Variants in EHBP1 observed in about 807,000 individuals in gnomAD.
The protein encoded by EHBP1 is EH domain-binding protein 1.
EHBP1 carries 55 observed loss-of-function variants against 144.0 expected under a neutral mutation model. The observed-to-expected ratio is 0.38, with a 90% CI of 0.31 to 0.48. The LOEUF is 0.48. Among genes scored for constraint, EHBP1 ranks in the 20% least tolerant of loss-of-function variants. The probability of loss-of-function intolerance (pLI) is 0.98; values close to 1 mark genes in which losing one functional copy is unlikely to be tolerated. For synonymous variants in EHBP1, 469 were observed against 472.7 expected (o/e 0.99, Z 0.10); for missense variants, 1,200 against 1,364.2 (o/e 0.88, Z 1.90).
intron 13 of EHBP1, among the ~76,000 whole-genome samples, chr2:62,949,587 TATAAA>T (rs1367537690): frequency 1.3e-5 from 2 of 152,236 alleles, no homozygotes; most frequent in African/African-American, 4.8e-5. Flanking sequence ...AATATTCTAC[TATAAA>T]ATAAATCAAA....
rs918947039 is a variant in EHBP1 at position 62,801,737 on chromosome 2, G to GTATA, written c.313-24348_313-24345dup. On this transcript the variant is annotated intron_variant, in intron 5 of 22. Coordinates refer to ENST00000431489, the MANE Select transcript of EHBP1 (RefSeq NM_001142616.3). The stretch of plus-strand genomic sequence containing the variant: ...TAGCCATTTCTGTTTCATAGAGTTT[G>GTATA]TATATTTAAATTTCACAAGCAAGTT... Among the ~76,000 whole-genome samples, 4 of 152,230 alleles carry GTATA rather than the reference G, an allele frequency of 2.6e-5. No individual in the cohort carries two copies. In the South Asian group the frequency reaches 6.2e-4, roughly 24 times the overall value.
intron 5 of EHBP1, among the ~76,000 whole-genome samples, chr2:62,820,814 A>G (rs1261552214): frequency 3.7e-5 from 5 of 134,922 alleles, no homozygotes; most frequent in East Asian, 2.1e-4. Context: ...TCAGCAGGAT[A>G]TTTTCAAAAA....
chr2:62,796,027 C>G (rs1429562762), intron 5 of EHBP1, among the ~76,000 whole-genome samples: 1 of 151,518 alleles, frequency 6.6e-6, no homozygotes, highest in Non-Finnish European at 1.5e-5. Context: ...TTCAGCTGGT[C>G]CTTTCTATTC....
intron 7 of EHBP1, among the ~76,000 whole-genome samples, chr2:62,844,856 C>T (rs1033572715): frequency 2.6e-5 from 4 of 152,102 alleles, no homozygotes; most frequent in Admixed American, 6.6e-5. Flanking sequence ...CAGATTCATT[C>T]GCATGACCTA....
chr2:62,718,847 G>A (rs55718037), intron 2 of EHBP1, among the ~76,000 whole-genome samples: 3,112 of 152,220 alleles, frequency 0.02, 100 homozygotes, highest in African/African-American at 0.07. Context: ...TGTTTTAGCT[G>A]TGCCATTTTA....
At chr2:62,915,997 A>G (rs890202224) in intron 10 of EHBP1, among the ~76,000 whole-genome samples, 7 of 152,172 alleles carry the variant, frequency 4.6e-5, no homozygotes, top group African/African-American at 1.7e-4. Context: ...ACTAAAATGT[A>G]TTCTAGGTAG....
chr2:62,735,291 TTG>T (rs976012867), intron 2 of EHBP1, among the ~76,000 whole-genome samples: 1 of 152,148 alleles, frequency 6.6e-6, no homozygotes, highest in African/African-American at 2.4e-5. Context: ...AACTTTTTTT[TTG>T]TGGTTGCGTT....
At chr2:62,867,471 A>G (rs2050131153) in intron 9 of EHBP1, among the ~76,000 whole-genome samples, 1 of 152,162 alleles carries the variant, frequency 6.6e-6, no homozygotes, top group Non-Finnish European at 1.5e-5. Context: ...TGAAAAAAAT[A>G]CCATTTATAG....
chr2:62,807,273 C>T (rs995915838), intron 5 of EHBP1, among the ~76,000 whole-genome samples: 8 of 152,190 alleles, frequency 5.3e-5, no homozygotes, highest in African/African-American at 1.4e-4. Context: ...AATGGCTGGG[C>T]GTGGTGGCTT....
intron 2 of EHBP1, among the ~76,000 whole-genome samples, chr2:62,732,354 G>A (rs1444113201): frequency 3.3e-5 from 5 of 151,706 alleles, no homozygotes; most frequent in Non-Finnish European, 7.4e-5. Flanking sequence ...TTTTTCTTTT[G>A]GTATTCCCAT....
chr2:62,754,373 C>G (rs1328376239), intron 3 of EHBP1, among the ~76,000 whole-genome samples: 2 of 152,198 alleles, frequency 1.3e-5, no homozygotes, highest in Non-Finnish European at 1.5e-5. Flanking sequence ...AGAGGGGTAC[C>G]TGGCCGTGTG....
At position 62,826,103 on chromosome 2, in the gene EHBP1, G is replaced by A. The variant is rs186817250; in HGVS notation, c.329G>A (p.Arg110Gln). 6.8e-6 allele frequency: 10 copies of A among 1,474,204 alleles called. No individual in the cohort carries two copies. Among genetic ancestry groups the A allele is most frequent in the South Asian group, 3.1e-5 (2 of 65,094 alleles). 91.3% of individuals were successfully genotyped at this position (1,474,204 alleles called of 1,614,324 possible). The change falls in exon 6 of 23, where the codon CGA becomes CAA. Residue 110 changes from arginine (R) to glutamine (Q), a missense_variant. Arg to Gln is a conservative substitution (Grantham distance 43, BLOSUM62 1). Around this residue, in one of 6 missense-constraint regions of EHBP1, gnomAD observed 137 missense variants for 190.1 expected, o/e 0.72. Transcript: ENST00000431489. ...ATCTTCCAGGAATCCCCTTCTGGTCGAAGGAAAGCTCTTGCTACTAGCAGC... is the reference window on the plus strand; with the variant it reads ...ATCTTCCAGGAATCCCCTTCTGGTCAAAGGAAAGCTCTTGCTACTAGCAGC... Reference protein sequence around the residue: ...FVIENESPSGRRKALATSSIN... With the variant: ...FVIENESPSGQRKALATSSIN...
At chr2:62,927,201 G>A (rs2055588822) in intron 10 of EHBP1, among the ~76,000 whole-genome samples, 1 of 152,144 alleles carries the variant, frequency 6.6e-6, no homozygotes, top group African/African-American at 2.4e-5. Context: ...GGAAGGCAGG[G>A]GAGGTGGTGG....
intron 2 of EHBP1, among the ~76,000 whole-genome samples, chr2:62,715,531 T>C (rs544433478): frequency 8.5e-5 from 13 of 152,278 alleles, no homozygotes; most frequent in Non-Finnish European, 1.8e-4. Context: ...ATAAAGATTA[T>C]ATTTTCCAGA....
At chr2:62,838,347 A>G (rs1472180163) in intron 7 of EHBP1, among the ~76,000 whole-genome samples, 12 of 152,170 alleles carry the variant, frequency 7.9e-5, no homozygotes, top group Admixed American at 3.3e-4. Flanking sequence ...AGCAGTGTGT[A>G]GAGGGAAATT....
chr2:62,907,371 T>TA (rs1338842939), intron 10 of EHBP1, among the ~76,000 whole-genome samples: 1 of 152,198 alleles, frequency 6.6e-6, no homozygotes, highest in African/African-American at 2.4e-5. Flanking sequence ...CTTTAGTATG[T>TA]TTTTCCCTAA....
intron 5 of EHBP1, among the ~76,000 whole-genome samples, chr2:62,818,886 TATTAA>T (rs1451107778): frequency 2.0e-5 from 3 of 152,190 alleles, no homozygotes; most frequent in Non-Finnish European, 4.4e-5. Context: ...TAAAAAGATA[TATTAA>T]ATTATTGTAC....
chr2:62,944,472 CT>C (rs1294594927), intron 12 of EHBP1, among the ~76,000 whole-genome samples: 1 of 152,096 alleles, frequency 6.6e-6, no homozygotes, highest in Non-Finnish European at 1.5e-5. Flanking sequence ...TGCTGTGCAG[CT>C]TTGTAGCTTA....
chr2:62,943,095 G>T (rs1216777140), intron 11 of EHBP1, among the ~76,000 whole-genome samples, 199 bp downstream of exon 11: 1 of 152,114 alleles, frequency 6.6e-6, no homozygotes, highest in Non-Finnish European at 1.5e-5. Context: ...TAAAAGTGGT[G>T]GCTGGGCGTG....
Sources: gnomAD v4.1 joint callset for allele counts (sites outside exome capture counted in the v4.1 genomes callset) on GRCh38, gnomAD v4.1.1 for gene constraint, gnomAD v4.1.1 regional missense constraint, MANE v1.5 for transcripts, NCBI Gene and HGNC (gene_info 2026-07-23, HGNC 2026-07-21) for gene names.